The following CWF19L1 variants were observed in gnomAD, a reference collection of about 807,000 sequenced individuals.
CWF19L1 encodes CWF19-like protein 1.
CWF19L1 carries 60 observed loss-of-function variants against 69.7 expected under a neutral mutation model. The observed-to-expected ratio is 0.86, with a 90% CI of 0.70 to 1.07. CWF19L1 has a LOEUF of 1.07. Ranked by LOEUF, CWF19L1 falls within the 50% of genes least tolerant of loss-of-function variation. The pLI, the probability that CWF19L1 is intolerant of heterozygous loss-of-function variation, is 0.00. For synonymous variants in CWF19L1, 209 were observed against 222.2 expected (o/e 0.94, Z 0.53); for missense variants, 591 against 638.9 (o/e 0.92, Z 0.81).
chr10:100,238,180 G>T lies in CWF19L1; in HGVS notation c.1096C>A (p.Leu366Met). ...ACTGACTGGTAGTGTCCAATAGGCAGGATGAGGACATGGTCATCAGATAAG... is the reference window on the plus strand; with the variant it reads ...ACTGACTGGTAGTGTCCAATAGGCATGATGAGGACATGGTCATCAGATAAG... ...GGLSDDHVLILPIGHYQSVVE... is the reference protein window; with the variant it reads ...GGLSDDHVLIMPIGHYQSVVE... Residue 366 changes from leucine to methionine, a missense_variant, in exon 11 of 14, where the codon CTG (leucine) becomes ATG (methionine). By Grantham distance (15) the Leu-to-Met change is conservative (BLOSUM62 2). Transcript: ENST00000354105. 1 of 1,614,198 alleles carries T rather than the reference G, an allele frequency of 6.2e-7. No individual in the cohort carries two copies. The highest frequency in any genetic ancestry group is 8.5e-7 in the Non-Finnish European group (1 of 1,180,028).
chr10:100,246,701 G>A (rs970996493), intron 8 of CWF19L1, 94 bp downstream of exon 8: 8 of 1,248,158 alleles, frequency 6.4e-6, no homozygotes, highest in African/African-American at 3.1e-5. Flanking sequence ...GGAAAAAAAA[G>A]ATTTAGATTC....
chr10:100,267,484 C>T (rs1343985450), intron 1 of CWF19L1, 87 bp downstream of exon 1: 10 of 1,611,854 alleles, frequency 6.2e-6, no homozygotes, highest in Non-Finnish European at 8.5e-6. Context: ...TTCTCCCTTC[C>T]CGTCATGGGA....
chr10:100,261,726 T>C (rs562306837), intron 2 of CWF19L1, among the ~76,000 whole-genome samples: 32 of 152,352 alleles, frequency 2.1e-4, no homozygotes, highest in South Asian at 6.2e-4. Flanking sequence ...GAAGTGTTGC[T>C]AGTCTGTTTT....
At chr10:100,249,247 C>T (rs914250979) in intron 7 of CWF19L1, among the ~76,000 whole-genome samples, 3 of 152,150 alleles carry the variant, frequency 2.0e-5, no homozygotes, top group Admixed American at 6.5e-5. Context: ...CCAAAAAAAG[C>T]TTGAAATATT....
At chr10:100,252,351 C>A (rs1847064743) in intron 6 of CWF19L1, among the ~76,000 whole-genome samples, 1 of 151,898 alleles carries the variant, frequency 6.6e-6, no homozygotes, top group Non-Finnish European at 1.5e-5. Context: ...AGGAGAATGG[C>A]ATGAACCTGG....
chr10:100,251,490 T>G (rs1847028038), intron 6 of CWF19L1, among the ~76,000 whole-genome samples: 2 of 151,812 alleles, frequency 1.3e-5, no homozygotes, highest in South Asian at 4.1e-4. Context: ...AGCATCTTTT[T>G]ATATGTCTAT....
intron 1 of CWF19L1, among the ~76,000 whole-genome samples, chr10:100,267,197 C>T (rs989398759): frequency 2.3e-5 from 3 of 133,266 alleles, no homozygotes; most frequent in Non-Finnish European, 4.7e-5. Flanking sequence ...CCTATCTACT[C>T]TGTCCACCAC....
intron 4 of CWF19L1, among the ~76,000 whole-genome samples, chr10:100,258,331 A>G (rs913477308): frequency 6.6e-6 from 1 of 152,182 alleles, no homozygotes; most frequent in Non-Finnish European, 1.5e-5. Context: ...TACCAAGTTC[A>G]CTGCTTGATC....
rs199826886 is a variant in CWF19L1, at chr10:100,266,693, T to TTTTTTTGTG, written c.23+877_23+878insCACAAAAAA. 1.5e-3 allele frequency among the ~76,000 whole-genome samples: 232 copies of TTTTTTTGTG among 149,908 alleles called. 5 individuals carry two copies. The East Asian group carries it at 0.027, about 17-fold the overall frequency. Reference sequence around the variant, plus strand: ...ACCACGCCTGGCTAATTTTTTTTTTTTGTATTAGTAGAGACGGGGTGTCAC... The same window carrying TTTTTTTGTG: ...ACCACGCCTGGCTAATTTTTTTTTTTTTTTTTGTGTGTATTAGTAGAGACGGGGTGTCAC... On this transcript the variant is annotated intron_variant, in intron 1 of 13. Transcript: ENST00000354105.
chr10:100,248,582 G>T, intron 7 of CWF19L1: 1 of 735,244 alleles, frequency 1.4e-6, no homozygotes, highest in Non-Finnish European at 2.5e-6. Flanking sequence ...ATCTTGACCA[G>T]CATTGAAGAG....
intron 4 of CWF19L1, among the ~76,000 whole-genome samples, chr10:100,257,393 G>A (rs767088345): frequency 2.0e-4 from 28 of 143,330 alleles, no homozygotes; most frequent in Non-Finnish European, 3.8e-4. Context: ...TCCGCCTCCC[G>A]GGTTCAAGTG....
Position 100,242,422 on chromosome 10 carries a change from C to A in CWF19L1, c.1044+1276G>T, listed in dbSNP as rs189830086. On this transcript the variant is annotated intron_variant, in intron 10 of 13. Coordinates refer to ENST00000354105, the MANE Select transcript of CWF19L1 (RefSeq NM_018294.6). ...GGGGTGGTGGCTCACGCCTGTAATC[C>A]CAGCACTTTGGGAGGCTGAGGCGGG... 2.8e-4 allele frequency among the ~76,000 whole-genome samples: 43 copies of A among 152,280 alleles called. No individual in the cohort carries two copies. In the East Asian group the frequency reaches 7.9e-3, roughly 28 times the overall value.
chr10:100,244,497 G>C (rs563866059), intron 9 of CWF19L1, among the ~76,000 whole-genome samples: 1 of 150,224 alleles, frequency 6.7e-6, no homozygotes, highest in Non-Finnish European at 1.5e-5. Flanking sequence ...CTGGGACTAC[G>C]GGCGTCTGCC....
In CWF19L1 at chr10:100,267,584, T is replaced by A. The variant is rs758688409; in HGVS notation, c.10A>T (p.Lys4Ter). MAQ[K>*]PLRLLACGDV... is the part of the protein sequence containing the mutation. ...ACGGTCACTCACAGGCGCAGCGGTT[T>A]CTGTGCCATCTGTCCGAATAGTATG... The change falls in exon 1 of 14, where the codon AAA (lysine) becomes TAA (stop). Residue 4 changes from lysine (K) to a stop codon, truncating the protein, a stop_gained. Transcript: ENST00000354105. LOFTEE classifies it high-confidence loss of function. The A allele has an allele frequency of 1.5e-5, 24 of 1,613,838 alleles. No homozygotes were observed. The highest frequency in any genetic ancestry group is 1.1e-5 in the Non-Finnish European group (13 of 1,179,698).
intron 7 of CWF19L1, among the ~76,000 whole-genome samples, chr10:100,249,258 A>G (rs1242939995): frequency 1.3e-5 from 2 of 152,224 alleles, no homozygotes; most frequent in Non-Finnish European, 2.9e-5. Flanking sequence ...TTGAAATATT[A>G]TGAAAAAAAC....
chr10:100,253,318 A>G, intron 6 of CWF19L1, 103 bp downstream of exon 6: 1 of 684,164 alleles, frequency 1.5e-6, no homozygotes, highest in Non-Finnish European at 2.6e-6. Context: ...GAGTAACCAA[A>G]TGGAACCAAG....
At chr10:100,245,995 A>G (rs1444052150) in intron 8 of CWF19L1, 82 bp from the exon 9 acceptor site, 13 of 963,358 alleles carry the variant, frequency 1.3e-5, no homozygotes, top group Non-Finnish European at 2.1e-5. Context: ...ACAAGGGAAC[A>G]TTCCTGCCAT....
At chr10:100,258,250 A>G (rs1847278165) in intron 4 of CWF19L1, among the ~76,000 whole-genome samples, 1 of 152,156 alleles carries the variant, frequency 6.6e-6, no homozygotes, top group African/African-American at 2.4e-5. Context: ...AAAAATAATA[A>G]TAATAACTCT....
chr10:100,263,461 GAAAGCTTTGTCAT>G (rs2134326088), intron 1 of CWF19L1, among the ~76,000 whole-genome samples: 1 of 152,304 alleles, frequency 6.6e-6, no homozygotes, highest in South Asian at 2.1e-4. Context: ...GCATTTCAGA[GAAAGCTTTGTCAT>G]AAACTAATAT....
Sources: gnomAD v4.1 joint callset for allele counts (sites outside exome capture counted in the v4.1 genomes callset) on GRCh38, gnomAD v4.1.1 for gene constraint, MANE v1.5 for transcripts, NCBI Gene and HGNC (gene_info 2026-07-23, HGNC 2026-07-21) for gene names.